The following EML4 variants were observed in gnomAD, a reference collection of about 807,000 sequenced individuals.
EML4 encodes the protein echinoderm microtubule-associated protein-like 4.
A neutral mutation model predicts 129.0 loss-of-function variants in EML4; 72 were observed. The ratio of observed to expected loss-of-function variants is 0.56; its 90% CI spans 0.46 to 0.68. The LOEUF is 0.68. Among genes scored for constraint, EML4 ranks in the 30% least tolerant of loss-of-function variants. EML4 has a pLI of 0.00. For synonymous variants in EML4, 532 were observed against 405.0 expected, an observed-to-expected ratio of 1.31 and a Z score of -3.77; for missense variants, 1,363 against 1,190.6, an observed-to-expected ratio of 1.14 and a Z score of -2.13.
intron 3 of EML4, among the ~76,000 whole-genome samples, chr2:42,258,752 A>G (rs1041556615): frequency 3.3e-5 from 5 of 152,198 alleles, no homozygotes; most frequent in Non-Finnish European, 7.3e-5. Flanking sequence ...CAAAGTAGAT[A>G]GTCAAGGGCC....
intron 19 of EML4, among the ~76,000 whole-genome samples, chr2:42,322,804 G>A (rs1558612194): frequency 6.6e-6 from 1 of 152,194 alleles, no homozygotes; most frequent in African/African-American, 2.4e-5. Flanking sequence ...ACACTGAGGT[G>A]ATTTGTGGGG....
intron 1 of EML4, among the ~76,000 whole-genome samples, chr2:42,173,853 TAAATA>T: frequency 6.6e-6 from 1 of 152,196 alleles, no homozygotes; most frequent in East Asian, 1.9e-4. Context: ...AAAAAATAAA[TAAATA>T]AATAAAGTAT....
chr2:42,299,072 A>C (rs188022153), intron 13 of EML4, among the ~76,000 whole-genome samples: 3 of 152,172 alleles, frequency 2.0e-5, no homozygotes, highest in African/African-American at 4.8e-5. Flanking sequence ...GTGTTGTTCA[A>C]TTTTTAAGGT....
At chr2:42,277,294 C>G (rs988794441) in intron 6 of EML4, among the ~76,000 whole-genome samples, 3 of 152,090 alleles carry the variant, frequency 2.0e-5, no homozygotes, top group African/African-American at 7.2e-5. Flanking sequence ...AAAGAGTAAA[C>G]TATACAAATA....
At chr2:42,287,463 A>G (rs181439970) in intron 10 of EML4, among the ~76,000 whole-genome samples, 3 of 152,278 alleles carry the variant, frequency 2.0e-5, no homozygotes, top group African/African-American at 7.2e-5. Flanking sequence ...TAATATTCCA[A>G]TTTAGGCTAA....
At chr2:42,260,073 C>T (rs1297516919) in intron 3 of EML4, among the ~76,000 whole-genome samples, 1 of 151,142 alleles carries the variant, frequency 6.6e-6, no homozygotes, top group East Asian at 1.9e-4. Context: ...CTTTGTTGCC[C>T]AGGCTGGTCT....
intron 1 of EML4, among the ~76,000 whole-genome samples, chr2:42,221,812 C>A (rs949395007): frequency 2.6e-5 from 4 of 151,878 alleles, no homozygotes; most frequent in African/African-American, 7.3e-5. Context: ...TCGTGTTGGC[C>A]AGGCTGGTCT....
chr2:42,211,728 C>A, intron 1 of EML4, among the ~76,000 whole-genome samples: 1 of 151,218 alleles, frequency 6.6e-6, no homozygotes, highest in East Asian at 1.9e-4. Context: ...TCGTGTGTTG[C>A]CAATGTTTTA....
At chr2:42,322,392 C>G (rs775431680) in intron 19 of EML4, among the ~76,000 whole-genome samples, 4 of 152,218 alleles carry the variant, frequency 2.6e-5, no homozygotes, top group Non-Finnish European at 4.4e-5. Context: ...TTCCACTGAA[C>G]AGCATAGCTC....
At chr2:42,214,332 A>G (rs895374006) in intron 1 of EML4, among the ~76,000 whole-genome samples, 6 of 152,208 alleles carry the variant, frequency 3.9e-5, no homozygotes, top group African/African-American at 1.4e-4. Context: ...CTGAGTTTTT[A>G]TTATAAGGCG....
At chr2:42,180,233 C>A (rs1670852903) in intron 1 of EML4, among the ~76,000 whole-genome samples, 1 of 152,138 alleles carries the variant, frequency 6.6e-6, no homozygotes, top group Non-Finnish European at 1.5e-5. Context: ...AGAATATGTT[C>A]CGTGTATGTA....
intron 20 of EML4, 48 bp downstream of exon 20, chr2:42,325,602 T>TTATATATATATATATATATATATATATA (rs10530482): frequency 4.3e-4 from 56 of 129,274 alleles, no homozygotes; most frequent in South Asian, 9.4e-4. Flanking sequence ...ATGATTATAT[T>TTATATATATATATATATATATATATATA]TATATATATA....
chr2:42,193,795 C>T (rs1671740738), intron 1 of EML4, among the ~76,000 whole-genome samples: 1 of 151,990 alleles, frequency 6.6e-6, no homozygotes, highest in Non-Finnish European at 1.5e-5. Context: ...AAGCAGTCTT[C>T]CTGCTTCAGA....
At chr2:42,289,576 C>G (rs1299519759) in intron 11 of EML4, 2 of 152,134 alleles carry the variant, frequency 1.3e-5, no homozygotes, top group African/African-American at 2.4e-5. Context: ...TCTTTCCTAG[C>G]CCCCAACCAC....
chr2:42,236,746 A>G (rs1468597864), intron 1 of EML4, among the ~76,000 whole-genome samples: 1 of 152,014 alleles, frequency 6.6e-6, no homozygotes, highest in African/African-American at 2.4e-5. Flanking sequence ...TTTTCCCCCT[A>G]AAGTCATTGA....
chr2:42,323,943 C>CTTTTTTTTTT (rs1669654535), intron 19 of EML4, among the ~76,000 whole-genome samples: 1 of 137,228 alleles, frequency 7.3e-6, no homozygotes, highest in African/African-American at 2.7e-5. Context: ...GACTCTGTCT[C>CTTTTTTTTTT]AATTAAAAAA....
chr2:42,264,894 G>A (rs1665965828), intron 6 of EML4, 163 bp downstream of exon 6: 24 of 1,549,656 alleles, frequency 1.5e-5, no homozygotes, highest in Non-Finnish European at 2.1e-5. Flanking sequence ...TTATTGTAAG[G>A]TAATGTCATT....
chr2:42,220,206 C>T (rs1044751104), intron 1 of EML4, among the ~76,000 whole-genome samples: 1 of 149,328 alleles, frequency 6.7e-6, no homozygotes, highest in Non-Finnish European at 1.5e-5. Flanking sequence ...TTTTATTGTG[C>T]TTCATACTCT....
intron 1 of EML4, among the ~76,000 whole-genome samples, chr2:42,231,500 A>T (rs10182302): frequency 6.6e-6 from 1 of 152,054 alleles, no homozygotes; most frequent in Non-Finnish European, 1.5e-5. Context: ...CATTCCCCAC[A>T]CTGTTTTTTT....
Sources: gnomAD v4.1 joint callset for allele counts (sites outside exome capture counted in the v4.1 genomes callset) on GRCh38, gnomAD v4.1.1 for gene constraint, MANE v1.5 for transcripts, NCBI Gene and HGNC (gene_info 2026-07-23, HGNC 2026-07-21) for gene names.